GPHB5: variants seen among roughly 807,000 people sequenced by gnomAD.
The protein encoded by GPHB5 is glycoprotein hormone beta-5.
Under a neutral mutation model 10.1 loss-of-function variants are expected in GPHB5, and 7 were observed. That is an observed-to-expected ratio of 0.69 (90% confidence interval 0.39 to 1.30). The LOEUF (loss-of-function observed/expected upper bound fraction) is 1.30, where lower values mean the gene tolerates loss of function less well. Among genes scored for constraint, GPHB5 ranks in the 50% most tolerant of loss-of-function variants. The probability of loss-of-function intolerance (pLI) is 0.01; values close to 1 mark genes in which losing one functional copy is unlikely to be tolerated. For missense variants in GPHB5, 161 were observed against 169.8 expected (o/e 0.95, Z 0.29); for synonymous variants, 68 against 70.1 (o/e 0.97, Z 0.15).
intron 2 of GPHB5, among the ~76,000 whole-genome samples, chr14:63,314,922 G>A (rs1484287194): frequency 2.1e-5 from 1 of 47,006 alleles, no homozygotes; most frequent in East Asian, 6.1e-4. Context: ...TTTTTTTTTT[G>A]AGATGGAGTC....
At chr14:63,313,215 C>A in intron 2 of GPHB5, 99 bp from the exon 3 acceptor site, 1 of 1,095,006 alleles carries the variant, frequency 9.1e-7, no homozygotes, top group Non-Finnish European at 1.3e-6. Context: ...ACTTGTTATT[C>A]GTTGATTTAC....
At position 63,318,852 on chromosome 14, in the gene GPHB5, T is replaced by C. The variant is rs1006980561; in HGVS notation, c.-30A>G. The C allele has an allele frequency of 4.6e-5, 7 of 152,224 alleles. No individual in the cohort carries two copies. Among genetic ancestry groups the C allele is most frequent in the Non-Finnish European group, 7.4e-5 (5 of 68,026 alleles). 9.4% of individuals were successfully genotyped at this position (152,224 alleles called of 1,614,324 possible). On this transcript the variant is annotated 5_prime_UTR_variant, in exon 1 of 3. Coordinates refer to ENST00000621500, the MANE Select transcript of GPHB5 (RefSeq NM_145171.4). ...ATCTTGCAGGAGCCCACTCTTCTTTTAGAGCTGAAACTTGCACTAAGATTT... is the reference window on the plus strand; with the variant it reads ...ATCTTGCAGGAGCCCACTCTTCTTTCAGAGCTGAAACTTGCACTAAGATTT...
rs549913757 is a variant in GPHB5 at position 63,317,724 on chromosome 14, A to G, written c.126T>C (p.Thr42=). 1.4e-4 allele frequency: 219 copies of G among 1,614,046 alleles called. 2 individuals are homozygous for G. In the South Asian group the frequency reaches 2.3e-3, roughly 17 times the overall value. ...TFVGCAVREF[T]FLAKKPGCRG... is the part of the protein sequence containing the mutation. ...TGCAGCCTGGCTTCTTGGCCAGGAA[A>G]GTAAACTCCCTCACGGCACAGCCCA... The change falls in exon 2 of 3, where the codon ACT becomes ACC. Residue 42 remains threonine (T), a synonymous_variant. Transcript: ENST00000621500.
intron 2 of GPHB5, among the ~76,000 whole-genome samples, chr14:63,317,107 G>C (rs569652428): frequency 6.6e-6 from 1 of 152,172 alleles, no homozygotes; most frequent in Non-Finnish European, 1.5e-5. Context: ...ACCCCAGAGG[G>C]CTCCCAGAGA....
chr14:63,313,192 C>T, intron 2 of GPHB5, 76 bp from the exon 3 acceptor site: 1 of 1,241,184 alleles, frequency 8.1e-7, no homozygotes, highest in Non-Finnish European at 1.1e-6. Flanking sequence ...TCATTTATCA[C>T]TATCAGAAAT....
At chr14:63,313,943 C>G (rs1408823292) in intron 2 of GPHB5, among the ~76,000 whole-genome samples, 1 of 152,188 alleles carries the variant, frequency 6.6e-6, no homozygotes. Context: ...TCCTCCCACT[C>G]TAGAAAGTAA....
rs1170357461 is a variant in GPHB5 at position 63,313,102 on chromosome 14, T to G, written c.219A>C (p.Glu73Asp). 1 of 1,596,276 alleles carries G rather than the reference T, an allele frequency of 6.3e-7. No homozygotes were observed. The highest frequency in any genetic ancestry group is 8.5e-7 in the Non-Finnish European group (1 of 1,172,000). ...RCETWEKPILEPPYIEAHHRV... is the reference protein window; with the variant it reads ...RCETWEKPILDPPYIEAHHRV... ...GATGATGGGCTTCAATATAGGGGGG[T>G]TCCAGAATGGGTTTCTGTCCCCATA... Residue 73 changes from glutamate to aspartate, a missense_variant, in exon 3 of 3, where the codon GAA (glutamate) becomes GAC (aspartate). By Grantham distance (45) the Glu-to-Asp change is conservative (BLOSUM62 2). Transcript: ENST00000621500.
At chr14:63,317,196 CA>C (rs758790127) in intron 2 of GPHB5, among the ~76,000 whole-genome samples, 4 of 152,108 alleles carry the variant, frequency 2.6e-5, no homozygotes, top group Non-Finnish European at 5.9e-5. Flanking sequence ...CCCTTCAGCT[CA>C]GGGCCTCTTT....
At chr14:63,316,028 G>C (rs1882764453) in intron 2 of GPHB5, among the ~76,000 whole-genome samples, 1 of 152,222 alleles carries the variant, frequency 6.6e-6, no homozygotes. Context: ...TGCGAACAGG[G>C]AGAGGCCCTG....
chr14:63,314,642 G>T (rs1244602938), intron 2 of GPHB5, among the ~76,000 whole-genome samples: 4 of 151,986 alleles, frequency 2.6e-5, no homozygotes, highest in Non-Finnish European at 5.9e-5. Context: ...TCGATTTCCT[G>T]ACCTCGTGAT....
chr14:63,318,684 A>G (rs919605913), intron 1 of GPHB5, 140 bp downstream of exon 1: 2 of 152,222 alleles, frequency 1.3e-5, no homozygotes, highest in African/African-American at 4.8e-5. Context: ...ATTTTGAAGT[A>G]TAAAGGATAT....
In GPHB5 at chr14:63,313,102, T is replaced by C. The variant is rs1170357461; in HGVS notation, c.219A>G (p.Glu73=). The C allele has an allele frequency of 1.3e-6, 2 of 1,596,276 alleles. No individual in the cohort carries two copies. Among genetic ancestry groups the C allele is most frequent in the Non-Finnish European group, 1.7e-6 (2 of 1,172,000 alleles). Residue 73 remains glutamate (E), a synonymous_variant, in exon 3 of 3, where the codon GAA becomes GAG. Transcript: ENST00000621500. ...RCETWEKPIL[E]PPYIEAHHRV... ...GATGATGGGCTTCAATATAGGGGGG[T>C]TCCAGAATGGGTTTCTGTCCCCATA...
intron 2 of GPHB5, among the ~76,000 whole-genome samples, chr14:63,313,688 G>A (rs768901478): frequency 1.3e-5 from 2 of 152,074 alleles, no homozygotes; most frequent in Non-Finnish European, 1.5e-5. Context: ...CCCCAGCTCA[G>A]GGCCTTTGCA....
chr14:63,314,854 CT>C (rs1882742195), intron 2 of GPHB5, among the ~76,000 whole-genome samples: 8 of 144,246 alleles, frequency 5.5e-5, no homozygotes, highest in Middle Eastern at 3.6e-3. Flanking sequence ...TCAAGATGTT[CT>C]TGCATGAATG....
intron 2 of GPHB5, among the ~76,000 whole-genome samples, chr14:63,313,373 T>C (rs1407998179): frequency 6.6e-6 from 1 of 152,136 alleles, no homozygotes; most frequent in Non-Finnish European, 1.5e-5. Context: ...TCTTAGTCAT[T>C]GCAAATACCT....
At chr14:63,316,329 C>G (rs1035852254) in intron 2 of GPHB5, among the ~76,000 whole-genome samples, 2 of 152,216 alleles carry the variant, frequency 1.3e-5, no homozygotes, top group Admixed American at 1.3e-4. Context: ...TGTCCACTCA[C>G]AGTGCAAGTG....
intron 1 of GPHB5, among the ~76,000 whole-genome samples, chr14:63,318,300 T>G (rs973231203): frequency 1.3e-5 from 2 of 152,224 alleles, no homozygotes; most frequent in Admixed American, 1.3e-4. Flanking sequence ...ATATTTTCAG[T>G]GTCATGATGG....
At chr14:63,316,439 C>T (rs1208983383) in intron 2 of GPHB5, among the ~76,000 whole-genome samples, 2 of 152,174 alleles carry the variant, frequency 1.3e-5, no homozygotes, top group African/African-American at 4.8e-5. Context: ...CTTGTTCATA[C>T]ACGACATCTT....
chr14:63,314,837 A>G (rs1458102940), intron 2 of GPHB5, among the ~76,000 whole-genome samples: 12 of 139,892 alleles, frequency 8.6e-5, no homozygotes, highest in Non-Finnish European at 3.1e-5. Context: ...ATATATACAT[A>G]TGTAACTCAA....
Sources: allele counts gnomAD v4.1 joint callset (sites outside exome capture counted in the v4.1 genomes callset), GRCh38; gene constraint gnomAD v4.1.1; transcripts MANE v1.5; gene names NCBI Gene and HGNC (gene_info 2026-07-23, HGNC 2026-07-21).